The following INVS variants were observed in gnomAD, a reference collection of about 807,000 sequenced individuals.
The protein encoded by INVS is inversin.
INVS carries 86 observed loss-of-function variants against 108.8 expected under a neutral mutation model. The observed-to-expected ratio is 0.79, with a 90% CI of 0.66 to 0.95. The LOEUF (loss-of-function observed/expected upper bound fraction) is 0.95. Among genes scored for constraint, INVS ranks in the 40% least tolerant of loss-of-function variants. The probability of loss-of-function intolerance (pLI) is 0.00; values close to 1 mark genes in which losing one functional copy is unlikely to be tolerated. For synonymous variants in INVS, 455 were observed against 473.5 expected, an observed-to-expected ratio of 0.96 and a Z score of 0.51; for missense variants, 1,169 against 1,297.4, an observed-to-expected ratio of 0.90 and a Z score of 1.52.
At chr9:100,104,123 C>T (rs999434368) in intron 1 of INVS, among the ~76,000 whole-genome samples, 3 of 152,170 alleles carry the variant, frequency 2.0e-5, no homozygotes, top group Non-Finnish European at 4.4e-5. Context: ...GTCCTAGAAG[C>T]ACCTACCCTC....
intron 3 of INVS, among the ~76,000 whole-genome samples, chr9:100,202,965 A>G (rs1015830196): frequency 2.0e-5 from 3 of 152,220 alleles, no homozygotes; most frequent in South Asian, 2.1e-4. Context: ...TAAGGATGTG[A>G]TAGGGAATTT....
At chr9:100,254,097 T>C (rs903742353) in intron 10 of INVS, among the ~76,000 whole-genome samples, 29 of 152,190 alleles carry the variant, frequency 1.9e-4, no homozygotes, top group African/African-American at 6.3e-4. Flanking sequence ...GACTTTTTAA[T>C]GATCGCCATT....
chr9:100,230,470 G>T lies in INVS; in HGVS notation c.615+643G>T, dbSNP rs570756465. ...CATGTTTTTGTTTTTGTTTTGTTTT[G>T]TTTTTTTGCAGTGCCCTATTCTTTC... On this transcript the variant is annotated intron_variant, in intron 5 of 16. Coordinates refer to ENST00000262457, the MANE Select transcript of INVS (RefSeq NM_014425.5). Among the ~76,000 whole-genome samples, 19 of 146,424 alleles carry T rather than the reference G, an allele frequency of 1.3e-4. No homozygotes were observed. The South Asian group carries it at 2.3e-3, about 18-fold the overall frequency.
chr9:100,143,519 G>T (rs1309887014), intron 3 of INVS, among the ~76,000 whole-genome samples: 5 of 151,974 alleles, frequency 3.3e-5, no homozygotes, highest in African/African-American at 1.2e-4. Flanking sequence ...GAGGGAGTAG[G>T]GGTGTCTTAT....
intron 4 of INVS, among the ~76,000 whole-genome samples, chr9:100,228,013 C>CA (rs1380118691): frequency 8.4e-6 from 1 of 118,812 alleles, no homozygotes; most frequent in Non-Finnish European, 1.7e-5. Flanking sequence ...TTTTTTGAGA[C>CA]AGAGTCTCAC....
chr9:100,293,461 C>T (rs372931227), intron 14 of INVS, among the ~76,000 whole-genome samples: 5 of 152,144 alleles, frequency 3.3e-5, no homozygotes, highest in Non-Finnish European at 7.3e-5. Context: ...AGATAATGCA[C>T]GCTTCATTAA....
chr9:100,297,829 A>G lies in INVS; in HGVS notation c.3017-107A>G, dbSNP rs542718129. 2.2e-5 allele frequency: 25 copies of G among 1,121,474 alleles called. No homozygotes were observed. The East Asian group carries it at 4.0e-4, about 18-fold the overall frequency. 69.5% of individuals were successfully genotyped at this position (1,121,474 alleles called of 1,614,324 possible). A position where few individuals can be genotyped will look rare whatever the true frequency, so the allele number is the denominator to read the frequency against. On this transcript the variant is annotated intron_variant, in intron 15 of 16. Transcript: ENST00000262457. Reference sequence around the variant, plus strand: ...TCCACACCATACCTAACTTATCTTGACACACACCTGCAAGCTCAAGCCTTT... The same window carrying G: ...TCCACACCATACCTAACTTATCTTGGCACACACCTGCAAGCTCAAGCCTTT...
At chr9:100,202,641 T>C (rs1289978230) in intron 3 of INVS, among the ~76,000 whole-genome samples, 6 of 152,192 alleles carry the variant, frequency 3.9e-5, no homozygotes, top group Non-Finnish European at 8.8e-5. Context: ...TGTCACACAG[T>C]AGCATTCATA....
chr9:100,273,152 G>A, intron 12 of INVS, 76 bp downstream of exon 12: 2 of 1,102,768 alleles, frequency 1.8e-6, no homozygotes, highest in Admixed American at 1.7e-5. Context: ...GGGTGCTGGG[G>A]TGGCCAGGAG....
At chr9:100,258,860 G>A (rs2787388) in intron 10 of INVS, among the ~76,000 whole-genome samples, 1 of 152,154 alleles carries the variant, frequency 6.6e-6, no homozygotes, top group African/African-American at 2.4e-5. Context: ...GGCTATTGGG[G>A]GTCAGGGACC....
At chr9:100,244,817 T>C (rs1831993609) in intron 7 of INVS, among the ~76,000 whole-genome samples, 2 of 152,132 alleles carry the variant, frequency 1.3e-5, no homozygotes, top group African/African-American at 4.8e-5. Flanking sequence ...TGTTTGCAAA[T>C]TAGTAAAAGA....
chr9:100,102,229 C>T (rs976247859), intron 1 of INVS, among the ~76,000 whole-genome samples: 16 of 152,084 alleles, frequency 1.1e-4, no homozygotes, highest in African/African-American at 3.4e-4. Flanking sequence ...TCCTGAGTAG[C>T]TAGGATTACA....
chr9:100,107,186 C>T (rs1296931153), intron 2 of INVS, among the ~76,000 whole-genome samples: 1 of 152,146 alleles, frequency 6.6e-6, no homozygotes, highest in East Asian at 1.9e-4. Flanking sequence ...GGTTAAGGAG[C>T]AGCACATTGT....
At chr9:100,263,886 T>G (rs1330884283) in intron 10 of INVS, among the ~76,000 whole-genome samples, 1 of 152,222 alleles carries the variant, frequency 6.6e-6, no homozygotes, top group African/African-American at 2.4e-5. Context: ...CAAAGTCTGT[T>G]GTTTAGGTCT....
intron 4 of INVS, among the ~76,000 whole-genome samples, chr9:100,226,789 G>A (rs938678609): frequency 2.1e-5 from 3 of 144,974 alleles, no homozygotes; most frequent in Non-Finnish European, 4.5e-5. Flanking sequence ...CTCCAGCCTG[G>A]GTGACAGAGT....
intron 3 of INVS, among the ~76,000 whole-genome samples, chr9:100,190,766 C>T (rs1830195380): frequency 6.6e-6 from 1 of 152,082 alleles, no homozygotes; most frequent in Admixed American, 6.6e-5. Flanking sequence ...TTATAGGTTA[C>T]CTGATGCTTT....
intron 14 of INVS, 132 bp downstream of exon 14, chr9:100,293,175 C>A: frequency 1.3e-6 from 1 of 776,654 alleles, no homozygotes. Flanking sequence ...ATAGAGCCTA[C>A]CCATGAAATT....
chr9:100,105,540 C>T (rs956809497), intron 2 of INVS, among the ~76,000 whole-genome samples: 3 of 152,180 alleles, frequency 2.0e-5, no homozygotes, highest in African/African-American at 7.2e-5. Flanking sequence ...AAAGACAAAA[C>T]TATTGTATCT....
chr9:100,251,440 T>C (rs1286826659), intron 8 of INVS, among the ~76,000 whole-genome samples: 1 of 152,228 alleles, frequency 6.6e-6, no homozygotes, highest in Non-Finnish European at 1.5e-5. Context: ...TGGAGTAACA[T>C]AGAGAGGAGT....
Sources: allele counts gnomAD v4.1 joint callset (sites outside exome capture counted in the v4.1 genomes callset), GRCh38; gene constraint gnomAD v4.1.1; transcripts MANE v1.5; gene names NCBI Gene and HGNC (gene_info 2026-07-23, HGNC 2026-07-21).